The following MIA2 variants were observed in gnomAD, a reference collection of about 807,000 sequenced individuals.
The protein encoded by MIA2 is MIA SH3 domain ER export factor 2, also known as melanoma inhibitory activity protein 2.
Under a neutral mutation model 167.8 loss-of-function variants are expected in MIA2, and 127 were observed. The ratio of observed to expected loss-of-function variants is 0.76; its 90% CI spans 0.66 to 0.88. The LOEUF (loss-of-function observed/expected upper bound fraction) is 0.88, where lower values mean the gene tolerates loss of function less well. Ranked by LOEUF, MIA2 falls within the 40% of genes least tolerant of loss-of-function variation. The probability of loss-of-function intolerance (pLI) is 0.00; values close to 1 mark genes in which losing one functional copy is unlikely to be tolerated. For missense variants in MIA2, 1,690 were observed against 1,624.7 expected, an observed-to-expected ratio of 1.04 and a Z score of -0.69; for synonymous variants, 552 against 541.9, an observed-to-expected ratio of 1.02 and a Z score of -0.26.
chr14:39,298,130 A>G (rs748888775), intron 13 of MIA2, among the ~76,000 whole-genome samples: 1 of 151,920 alleles, frequency 6.6e-6, no homozygotes, highest in Non-Finnish European at 1.5e-5. Flanking sequence ...TAAATTTGCC[A>G]TGTTATGATC....
At chr14:39,336,482 CTG>C (rs754821760) in intron 25 of MIA2, among the ~76,000 whole-genome samples, 1 of 152,246 alleles carries the variant, frequency 6.6e-6, no homozygotes, top group East Asian at 1.9e-4. Context: ...TTTTAAAACT[CTG>C]TGGTTATTAA....
chr14:39,275,309 T>A (rs1277037611), intron 6 of MIA2, among the ~76,000 whole-genome samples: 1 of 151,900 alleles, frequency 6.6e-6, no homozygotes, highest in East Asian at 1.9e-4. Context: ...CCTGGCTAAT[T>A]TTTGTATTTT....
rs34424266 is a variant in MIA2, at chr14:39,299,305, CTTTTTTTTTTTTT to C, written c.2497-550_2497-538del. Among the ~76,000 whole-genome samples, 4 of 95,090 alleles carry C rather than the reference CTTTTTTTTTTTTT, an allele frequency of 4.2e-5. No homozygotes were observed. The East Asian group carries it at 1.3e-3, about 31-fold the overall frequency. 62.4% of individuals were successfully genotyped at this position (95,090 alleles called of 152,430 possible). A position where few individuals can be genotyped will look rare whatever the true frequency, so the allele number is the denominator to read the frequency against. ...GATCTGTTCTAGATTAATGGTATTT[CTTTTTTTTTTTTT>C]TTTTTTTTGAGACGGAGTCTCGCTC... On this transcript the variant is annotated intron_variant, in intron 13 of 28. Coordinates refer to ENST00000640607, the MANE Select transcript of MIA2 (RefSeq NM_001329214.4).
At chr14:39,308,375 T>G in intron 17 of MIA2, 74 bp from the exon 18 acceptor site, 4 of 941,572 alleles carry the variant, frequency 4.2e-6, no homozygotes, top group South Asian at 2.3e-5. Context: ...TTTTAGTAAT[T>G]TTTATCTTTC....
At chr14:39,264,254 C>G (rs1197443068) in intron 6 of MIA2, among the ~76,000 whole-genome samples, 1 of 152,162 alleles carries the variant, frequency 6.6e-6, no homozygotes, top group Non-Finnish European at 1.5e-5. Flanking sequence ...CCATCTGCAT[C>G]CACGTTGCTG....
chr14:39,347,638 A>G lies in MIA2; in HGVS notation c.3779-75A>G, dbSNP rs942513922. 6 of 1,503,112 alleles carry G rather than the reference A, an allele frequency of 4.0e-6. No individual in the cohort carries two copies. The African/African-American group carries it at 4.2e-5, about 10-fold the overall frequency. 93.1% of individuals were successfully genotyped at this position (1,503,112 alleles called of 1,614,324 possible). On this transcript the variant is annotated intron_variant, in intron 26 of 28. Coordinates refer to ENST00000640607, the MANE Select transcript of MIA2 (RefSeq NM_001329214.4). ...CAACAAGGGGAGTGGGAAAATACCA[A>G]TTTTGTGATCTGGAGATACTCTAGG...
chr14:39,267,647 C>A, intron 6 of MIA2: 1 of 1,143,916 alleles, frequency 8.7e-7, no homozygotes, highest in Non-Finnish European at 1.2e-6. Context: ...CAGTCCTCGT[C>A]TGCTGCCCGG....
intron 3 of MIA2, among the ~76,000 whole-genome samples, chr14:39,240,848 T>C (rs2054004451): frequency 6.6e-6 from 1 of 152,208 alleles, no homozygotes; most frequent in Non-Finnish European, 1.5e-5. Flanking sequence ...AAGATTTTGC[T>C]TTCTGAACAA....
intron 23 of MIA2, among the ~76,000 whole-genome samples, chr14:39,358,270 C>G (rs962502349): frequency 2.0e-5 from 3 of 152,098 alleles, no homozygotes; most frequent in Non-Finnish European, 4.4e-5. Flanking sequence ...TCTTTTTTCC[C>G]TAAACTTTTC....
At chr14:39,377,876 G>A (rs2075074610) in intron 23 of MIA2, among the ~76,000 whole-genome samples, 1 of 151,766 alleles carries the variant, frequency 6.6e-6, no homozygotes, top group Non-Finnish European at 1.5e-5. Context: ...TCAAATACCT[G>A]TGTGAATTGG....
In MIA2 at chr14:39,277,695, TA is replaced by T. The variant is rs2058262282; in HGVS notation, c.2019+631del. On this transcript the variant is annotated intron_variant, in intron 7 of 28. Transcript: ENST00000640607. ...TTTTATATATATATATATGTGTGTA[TA>T]TATATATATATATATATATGTGTGT... 7.9e-4 allele frequency among the ~76,000 whole-genome samples: 4 copies of T among 5,092 alleles called. 2 individuals carry two copies. Among genetic ancestry groups the T allele is most frequent in the South Asian group, 8.0e-3 (2 of 250 alleles). 3.3% of individuals were successfully genotyped at this position (5,092 alleles called of 152,430 possible).
At chr14:39,353,761 G>A (rs148107519), downstream of MIA2, among the ~76,000 whole-genome samples, 325 of 152,158 alleles carry the variant, frequency 2.1e-3, 1 homozygote, top group Non-Finnish European at 2.8e-3. Context: ...TCCCCTTCCT[G>A]TGTCCAAGTG....
intron 13 of MIA2, among the ~76,000 whole-genome samples, chr14:39,297,985 A>G (rs1018604088): frequency 1.3e-5 from 2 of 150,348 alleles, no homozygotes; most frequent in Non-Finnish European, 3.0e-5. Flanking sequence ...ATTTCTTTCC[A>G]TTTTCTACTT....
At position 39,266,001 on chromosome 14, in the gene MIA2, C is replaced by G. The variant is rs943336409; in HGVS notation, c.1888-10933C>G. On this transcript the variant is annotated intron_variant, in intron 6 of 28. Coordinates refer to ENST00000640607, the MANE Select transcript of MIA2 (RefSeq NM_001329214.4). ...AATAGCAATCTTGAGTTCTGAAAAG[C>G]TAGGCCGCATTTTGGTCCTGAAAAA... The G allele has an allele frequency of 3.0e-6, 3 of 985,286 alleles. No homozygotes were observed. In the African/African-American group the frequency reaches 5.2e-5, roughly 17 times the overall value. The allele number at this position is 985,286 out of a possible 1,614,324, so 61.0% of individuals were successfully genotyped here. A position where few individuals can be genotyped will look rare whatever the true frequency, so the allele number is the denominator to read the frequency against.
At chr14:39,386,128 G>T in intron 23 of MIA2, 2 of 1,316,870 alleles carry the variant, frequency 1.5e-6, no homozygotes, top group South Asian at 1.2e-5. Flanking sequence ...TTGGTCATCT[G>T]ACTCTGAACT....
intron 6 of MIA2, among the ~76,000 whole-genome samples, chr14:39,261,564 G>C (rs946585010): frequency 2.0e-5 from 3 of 152,144 alleles, no homozygotes; most frequent in African/African-American, 7.2e-5. Context: ...GGAATCGCCA[G>C]ACTGTCTTCC....
chr14:39,261,711 G>T (rs1594738239), intron 6 of MIA2, among the ~76,000 whole-genome samples: 1 of 152,076 alleles, frequency 6.6e-6, no homozygotes, highest in Non-Finnish European at 1.5e-5. Flanking sequence ...ATCTCATTGT[G>T]GTTTTGATTT....
intron 6 of MIA2, among the ~76,000 whole-genome samples, chr14:39,264,366 G>C (rs1192537508): frequency 6.6e-6 from 1 of 152,140 alleles, no homozygotes; most frequent in East Asian, 1.9e-4. Context: ...CCTAGGGTGA[G>C]TCCATGTCTT....
chr14:39,257,891 T>C (rs1451385229), intron 6 of MIA2, among the ~76,000 whole-genome samples: 2 of 152,214 alleles, frequency 1.3e-5, no homozygotes, highest in South Asian at 2.1e-4. Flanking sequence ...TTGTTTTCTT[T>C]AAGAATGTTG....
Sources: allele counts gnomAD v4.1 joint callset (sites outside exome capture counted in the v4.1 genomes callset), GRCh38; gene constraint gnomAD v4.1.1; transcripts MANE v1.5; gene names NCBI Gene and HGNC (gene_info 2026-07-23, HGNC 2026-07-21).